The following ANK3 variants were observed in gnomAD, a reference collection of about 807,000 sequenced individuals.
The protein encoded by ANK3 is ankyrin-3.
ANK3 carries 57 observed loss-of-function variants against 370.9 expected under a neutral mutation model. The ratio of observed to expected loss-of-function variants is 0.15; its 90% CI spans 0.12 to 0.19. The LOEUF (loss-of-function observed/expected upper bound fraction) is 0.19. Among genes scored for constraint, ANK3 ranks in the 10% least tolerant of loss-of-function variants. The pLI, the probability that ANK3 is intolerant of heterozygous loss-of-function variation, is 1.00. For missense variants in ANK3, 4,439 were observed against 5,302.1 expected (o/e 0.84, Z 5.06); for synonymous variants, 1,929 against 1,946.3 (o/e 0.99, Z 0.23).
chr10:60,229,409 A>C (rs998050875), intron 8 of ANK3, among the ~76,000 whole-genome samples: 1 of 152,206 alleles, frequency 6.6e-6, no homozygotes, highest in Admixed American at 6.5e-5. Context: ...ATTTTATTCA[A>C]GGATTTATTT....
intron 8 of ANK3, among the ~76,000 whole-genome samples, chr10:60,230,029 C>G (rs78005691): frequency 3.3e-5 from 5 of 152,266 alleles, no homozygotes; most frequent in African/African-American, 1.2e-4. Flanking sequence ...TTATTACCAA[C>G]ACTACCGGGG....
chr10:60,499,453 A>C (rs2133138806), intron 2 of ANK3, among the ~76,000 whole-genome samples: 1 of 152,338 alleles, frequency 6.6e-6, no homozygotes, highest in South Asian at 2.1e-4. Flanking sequence ...TTTTCAAAAA[A>C]CTATACACAA....
chr10:60,514,248 G>A (rs1187295838), intron 2 of ANK3, among the ~76,000 whole-genome samples: 1 of 152,104 alleles, frequency 6.6e-6, no homozygotes, highest in Non-Finnish European at 1.5e-5. Context: ...ATACACAAGA[G>A]TTTTTACTGT....
At chr10:60,394,780 C>G (rs968102266), upstream of ANK3, among the ~76,000 whole-genome samples, 37 of 152,186 alleles carry the variant, frequency 2.4e-4, no homozygotes, top group African/African-American at 8.9e-4. Context: ...AACCACATGC[C>G]ACTTCCTCTC....
intron 1 of ANK3, among the ~76,000 whole-genome samples, chr10:60,660,855 A>C (rs2078926446): frequency 6.6e-6 from 1 of 152,108 alleles, no homozygotes; most frequent in South Asian, 2.1e-4. Flanking sequence ...GGAATCAAGA[A>C]GTGATCTTGC....
intron 1 of ANK3, among the ~76,000 whole-genome samples, chr10:60,338,015 G>A (rs1175170018): frequency 6.6e-6 from 1 of 152,096 alleles, no homozygotes. Flanking sequence ...AATTGCTGTT[G>A]TGAACTATGA....
intron 28 of ANK3, among the ~76,000 whole-genome samples, chr10:60,099,928 G>C (rs1321701412): frequency 6.7e-6 from 1 of 149,504 alleles, no homozygotes; most frequent in African/African-American, 2.5e-5. Context: ...AGGGCTAAAA[G>C]CTCTACTGTG....
chr10:60,252,037 T>C (rs2097675324), intron 7 of ANK3, among the ~76,000 whole-genome samples: 1 of 152,244 alleles, frequency 6.6e-6, no homozygotes, highest in African/African-American at 2.4e-5. Flanking sequence ...ATCTGGTCCA[T>C]GCTGATCTTC....
intron 1 of ANK3, among the ~76,000 whole-genome samples, chr10:60,315,563 GT>G (rs2047235255): frequency 6.6e-6 from 1 of 152,136 alleles, no homozygotes; most frequent in Non-Finnish European, 1.5e-5. Context: ...TGAGTCATTT[GT>G]TAAAATACTA....
At chr10:60,372,778 G>A (rs983380956) in intron 1 of ANK3, among the ~76,000 whole-genome samples, 12 of 152,076 alleles carry the variant, frequency 7.9e-5, no homozygotes, top group Non-Finnish European at 1.3e-4. Flanking sequence ...TCTGCCCTTC[G>A]AAACCGATGT....
At chr10:60,720,715 CG>C (rs1156689413) in intron 1 of ANK3, among the ~76,000 whole-genome samples, 3 of 152,238 alleles carry the variant, frequency 2.0e-5, no homozygotes, top group African/African-American at 7.2e-5. Flanking sequence ...TGGGCTCAAG[CG>C]GTCCTCCCAC....
intron 1 of ANK3, among the ~76,000 whole-genome samples, chr10:60,335,813 G>T (rs2052687729): frequency 6.6e-6 from 1 of 152,126 alleles, no homozygotes. Context: ...CTACCTAGCA[G>T]ATTCTATTAT....
intron 1 of ANK3, among the ~76,000 whole-genome samples, chr10:60,375,689 T>A (rs889472860): frequency 1.3e-5 from 2 of 152,182 alleles, no homozygotes; most frequent in Non-Finnish European, 2.9e-5. Flanking sequence ...TAAACCACAT[T>A]TCTTCCTACT....
intron 2 of ANK3, among the ~76,000 whole-genome samples, chr10:60,535,953 A>G (rs1399822355): frequency 1.3e-5 from 2 of 151,956 alleles, no homozygotes; most frequent in African/African-American, 4.8e-5. Flanking sequence ...CACAAATAGT[A>G]TTTTGGAAAC....
intron 41 of ANK3, among the ~76,000 whole-genome samples, chr10:60,057,225 G>T (rs1159288512): frequency 2.0e-5 from 3 of 152,126 alleles, no homozygotes; most frequent in African/African-American, 7.2e-5. Context: ...CCTACTGAGA[G>T]AACTGTTTTT....
At chr10:60,292,492 G>C (rs2041635066) in intron 1 of ANK3, among the ~76,000 whole-genome samples, 1 of 152,026 alleles carries the variant, frequency 6.6e-6, no homozygotes, top group African/African-American at 2.4e-5. Flanking sequence ...TAGTCCTTTG[G>C]AAAAGTGTAA....
At chr10:60,090,391 T>C (rs1166075861) in intron 28 of ANK3, among the ~76,000 whole-genome samples, 1 of 152,092 alleles carries the variant, frequency 6.6e-6, no homozygotes, top group East Asian at 1.9e-4. Flanking sequence ...AACTTTCCTA[T>C]ACAAAACTGG....
chr10:60,071,586 C>T lies in ANK3; in HGVS notation c.9295G>A (p.Val3099Ile), dbSNP rs1247483855. 2 of 1,614,020 alleles carry T rather than the reference C, an allele frequency of 1.2e-6. No individual in the cohort carries two copies. The highest frequency in any genetic ancestry group is 1.7e-6 in the Non-Finnish European group (2 of 1,179,984). ...TTTTCATATTGCTTCCCCACTTGTA[C>T]AAAACTGACATAAACGGGTAAAGTT... ...IKTLPVYVSF[V>I]QVGKQYEKEI... Residue 3099 changes from valine (V) to isoleucine (I), a missense_variant, in exon 37 of 44, where the codon GTA (valine) becomes ATA (isoleucine). By Grantham distance (29) the Val-to-Ile change is conservative. Transcript: ENST00000280772.
Position 60,576,453 on chromosome 10 carries a change from C to T in ANK3, c.96+38733G>A, listed in dbSNP as rs1028333225. ...AAGCAAATTTTTTTAAGCTATCTTC[C>T]GCATAAAATTCACTTGAAAACACTA... is the stretch of plus-strand genomic sequence containing the variant. On this transcript the variant is annotated intron_variant, in intron 2 of 43. Transcript: ENST00000373827. 5.3e-5 allele frequency among the ~76,000 whole-genome samples: 8 copies of T among 152,252 alleles called. No individual in the cohort carries two copies. The South Asian group carries it at 8.3e-4, about 16-fold the overall frequency.
Sources: allele counts gnomAD v4.1 joint callset (sites outside exome capture counted in the v4.1 genomes callset), GRCh38; gene constraint gnomAD v4.1.1; transcripts MANE v1.5; gene names NCBI Gene and HGNC (gene_info 2026-07-23, HGNC 2026-07-21).